The following SF3B1 variants were observed in gnomAD, a reference collection of about 807,000 sequenced individuals.
The protein encoded by SF3B1 is splicing factor 3b subunit 1, also known as pre-mRNA processing 10.
Under a neutral mutation model 153.8 loss-of-function variants are expected in SF3B1, and 12 were observed. The ratio of observed to expected loss-of-function variants is 0.08; its 90% CI spans 0.05 to 0.13. The LOEUF is 0.13. Among genes scored for constraint, SF3B1 ranks in the 10% least tolerant of loss-of-function variants. SF3B1 has a pLI of 1.00. For missense variants in SF3B1, 513 were observed against 1,606.1 expected (o/e 0.32, Z 11.63); for synonymous variants, 498 against 525.2 (o/e 0.95, Z 0.71).
At chr2:197,393,261 G>T in intron 23 of SF3B1, 73 bp from the exon 24 acceptor site, 1 of 954,554 alleles carries the variant, frequency 1.0e-6, no homozygotes. Context: ...TAAAGATACA[G>T]TCTTAGTTTT....
intron 2 of SF3B1, among the ~76,000 whole-genome samples, chr2:197,422,859 C>T (rs1312984113): frequency 6.6e-6 from 1 of 151,390 alleles, no homozygotes; most frequent in Non-Finnish European, 1.5e-5. Context: ...CACTGCATTC[C>T]AGCCTGGGCA....
Position 197,400,981 on chromosome 2 carries a change from A to C in SF3B1, c.2497-45T>G. Reference sequence around the variant, plus strand: ...AAAAAACCTTTTAGACTGCTTTTCCAAGGAAATAAAGCAACATCATGAAAA... The same window carrying C: ...AAAAAACCTTTTAGACTGCTTTTCCCAGGAAATAAAGCAACATCATGAAAA... On this transcript the variant is annotated intron_variant, in intron 17 of 24. Coordinates refer to ENST00000335508, the MANE Select transcript of SF3B1 (RefSeq NM_012433.4). The surrounding 1 kb of genome is among the most constrained non-coding windows in gnomAD (Gnocchi z 5.0). The C allele has an allele frequency of 8.2e-7, 1 of 1,216,036 alleles. No homozygotes were observed. The highest frequency in any genetic ancestry group is 1.2e-6 in the Non-Finnish European group (1 of 840,694). The allele number at this position is 1,216,036 out of a possible 1,614,324, so 75.3% of individuals were successfully genotyped here.
In SF3B1 at chr2:197,416,861, T is replaced by C; in HGVS notation, c.546A>G (p.Lys182=). 6.2e-7 allele frequency: 1 copy of C among 1,614,112 alleles called. No homozygotes were observed. ...LAEKAKAGEL[K]VVNGAAASQP... The stretch of plus-strand genomic sequence containing the variant: ...GGGACGCTGCTGCTCCATTGACGAC[T>C]TTTAGTTCTCCAGCTTTAGCTTTTT... Residue 182 remains lysine, a synonymous_variant, in exon 6 of 25, where the codon AAA becomes AAG. Transcript: ENST00000335508.
At chr2:197,403,472 A>G in intron 12 of SF3B1, 113 bp downstream of exon 12, 1 of 613,140 alleles carries the variant, frequency 1.6e-6, no homozygotes. Flanking sequence ...TTGTACATGT[A>G]TGGTGTGTAC....
rs1025686003 is a variant in SF3B1 at position 197,405,470 on chromosome 2, T to A, written c.1242A>T (p.Val414=). The change falls in exon 10 of 25, where the codon GTA becomes GTT. Residue 414 remains valine, a splice_region_variant and synonymous_variant. Transcript: ENST00000335508. ...GAACATAACCAGCTGGAGGAGGAAG[T>A]ACCTAATAAAAGTTATAAGACAGTT... The part of the protein sequence containing the change: ...LDAMFPEGYK[V]LPPPAGYVPI... 1.2e-6 allele frequency: 2 copies of A among 1,606,214 alleles called. No homozygotes were observed. The highest frequency in any genetic ancestry group is 8.5e-7 in the Non-Finnish European group (1 of 1,174,754).
At chr2:197,398,250 C>G in intron 21 of SF3B1, 134 bp from the exon 22 acceptor site, 1 of 871,516 alleles carries the variant, frequency 1.1e-6, no homozygotes, top group Non-Finnish European at 1.8e-6. Context: ...TTCAGAAAGG[C>G]TGAAGAGTTA....
At chr2:197,405,015 A>G (rs894297891) in intron 11 of SF3B1, 61 bp downstream of exon 11, 4 of 1,215,158 alleles carry the variant, frequency 3.3e-6, no homozygotes, top group Admixed American at 2.5e-5. Flanking sequence ...CAAAAACTAC[A>G]AATTTTTTTT....
chr2:197,410,830 C>T (rs527987653), intron 6 of SF3B1, among the ~76,000 whole-genome samples: 3 of 152,154 alleles, frequency 2.0e-5, no homozygotes, highest in African/African-American at 4.8e-5. Flanking sequence ...AACCAGATAC[C>T]GTCACATGAT....
intron 6 of SF3B1, chr2:197,416,528 G>T: frequency 2.1e-6 from 1 of 475,304 alleles, no homozygotes; most frequent in Admixed American, 3.7e-5. Context: ...GAAAGGCCAT[G>T]TGAGGACACA....
At chr2:197,398,666 C>CTA in intron 20 of SF3B1, 85 bp from the exon 21 acceptor site, 1 of 1,242,540 alleles carries the variant, frequency 8.0e-7, no homozygotes, top group Non-Finnish European at 1.1e-6. Flanking sequence ...TCATATATGA[C>CTA]TATGTATAAA....
chr2:197,410,534 C>G (rs757136962), intron 6 of SF3B1, among the ~76,000 whole-genome samples: 48 of 117,032 alleles, frequency 4.1e-4, no homozygotes, highest in Non-Finnish European at 6.3e-4. Context: ...GAGACAGAGT[C>G]TCGCTCTGTC....
intron 1 of SF3B1, among the ~76,000 whole-genome samples, chr2:197,427,333 T>C (rs558749118): frequency 9.2e-4 from 140 of 152,228 alleles, no homozygotes; most frequent in African/African-American, 1.4e-3. Flanking sequence ...CTGGAAACTA[T>C]AGATATAAAG....
chr2:197,421,161 T>A (rs777288816), intron 2 of SF3B1, 28 bp from the exon 3 acceptor site: 1 of 1,436,124 alleles, frequency 7.0e-7, no homozygotes, highest in Non-Finnish European at 9.8e-7. Flanking sequence ...CAAAAAGCCA[T>A]AAACAAAATG....
chr2:197,425,773 G>A (rs1157778284), intron 1 of SF3B1, among the ~76,000 whole-genome samples: 1 of 152,060 alleles, frequency 6.6e-6, no homozygotes, highest in African/African-American at 2.4e-5. Flanking sequence ...GCTGAGGTGG[G>A]CGGATCACTT....
intron 1 of SF3B1, among the ~76,000 whole-genome samples, chr2:197,433,215 A>C (rs1010130158): frequency 6.6e-6 from 1 of 152,258 alleles, no homozygotes; most frequent in East Asian, 1.9e-4. Flanking sequence ...GGGCACAGAC[A>C]GTGCTCAAGT....
chr2:197,432,149 T>C (rs565252558), intron 1 of SF3B1, among the ~76,000 whole-genome samples: 3 of 152,144 alleles, frequency 2.0e-5, no homozygotes, highest in South Asian at 4.2e-4. Flanking sequence ...AAAAAATATA[T>C]AGATCAGCAA....
intron 20 of SF3B1, chr2:197,399,066 T>C (rs1322478894): frequency 6.2e-6 from 8 of 1,300,724 alleles, no homozygotes; most frequent in Non-Finnish European, 8.1e-6. Context: ...AGGAGGCAGC[T>C]GGCAGGGGCT....
At chr2:197,398,750 A>T in intron 20 of SF3B1, 169 bp from the exon 21 acceptor site, 1 of 635,340 alleles carries the variant, frequency 1.6e-6, no homozygotes, top group Non-Finnish European at 2.7e-6. Flanking sequence ...TTTAACTTTT[A>T]TTAACAATTT....
intron 1 of SF3B1, among the ~76,000 whole-genome samples, chr2:197,433,605 T>C (rs199747481): frequency 6.6e-6 from 1 of 152,240 alleles, no homozygotes; most frequent in African/African-American, 2.4e-5. Context: ...GGTATACTAA[T>C]ATTAAAGTCA....
Sources: allele counts gnomAD v4.1 joint callset (sites outside exome capture counted in the v4.1 genomes callset), GRCh38; gene constraint gnomAD v4.1.1; non-coding constraint Gnocchi (gnomAD v3.1); transcripts MANE v1.5; gene names NCBI Gene and HGNC (gene_info 2026-07-23, HGNC 2026-07-21).